The following SEMA6D variants were observed in gnomAD, a reference collection of about 807,000 sequenced individuals.
The protein encoded by SEMA6D is semaphorin-6D.
SEMA6D carries 35 observed loss-of-function variants against 106.6 expected under a neutral mutation model. The ratio of observed to expected loss-of-function variants is 0.33; its 90% CI spans 0.25 to 0.44. The LOEUF (loss-of-function observed/expected upper bound fraction) is 0.44, where lower values mean the gene tolerates loss of function less well. SEMA6D is among the 20% of genes least tolerant of loss of function. The pLI, the probability that SEMA6D is intolerant of heterozygous loss-of-function variation, is 1.00. For synonymous variants in SEMA6D, 499 were observed against 487.7 expected (o/e 1.02, Z -0.31); for missense variants, 1,185 against 1,345.9 (o/e 0.88, Z 1.87).
rs1824650074 is a variant in SEMA6D at position 47,717,515 on chromosome 15, T to A, written c.-232T>A. On this transcript the variant is annotated 5_prime_UTR_variant, in exon 1 of 19. Transcript: ENST00000536845. The stretch of plus-strand genomic sequence containing the variant: ...TTTTGCTCCTGCTCTGTCCCGCTGC[T>A]GCTGCTGCTGCTGCAAGGGGTGGTG... 1 of 155,126 alleles carries A rather than the reference T, an allele frequency of 6.4e-6. No homozygotes were observed. The highest frequency in any genetic ancestry group is 2.4e-5 in the African/African-American group (1 of 41,498). The allele number at this position is 155,126 out of a possible 1,614,324, so 9.6% of individuals were successfully genotyped here.
chr15:47,306,301 T>C (rs1380429968), intron 1 of SEMA6D, among the ~76,000 whole-genome samples: 7 of 152,166 alleles, frequency 4.6e-5, no homozygotes, highest in Admixed American at 4.6e-4. Flanking sequence ...ACTCATCTTC[T>C]AGCTGGCTCT....
At chr15:47,202,423 A>G (rs887991165) in intron 1 of SEMA6D, among the ~76,000 whole-genome samples, 5 of 152,048 alleles carry the variant, frequency 3.3e-5, no homozygotes, top group African/African-American at 9.6e-5. Flanking sequence ...GGGACATTCG[A>G]TTGGTAAGGG....
chr15:47,368,758 T>A (rs1007492093), intron 1 of SEMA6D, among the ~76,000 whole-genome samples: 8 of 152,252 alleles, frequency 5.3e-5, no homozygotes, highest in African/African-American at 1.9e-4. Context: ...GCTCAAAGTC[T>A]GTACCAGAGT....
At position 47,761,645 on chromosome 15, in the gene SEMA6D, T is replaced by G; in HGVS notation, c.448-16T>G. ...TTGAATAGATATGACACTGGCTATTTACTTTTCTTTTGTAGTTGAGTACCT... is the reference window on the plus strand; with the variant it reads ...TTGAATAGATATGACACTGGCTATTGACTTTTCTTTTGTAGTTGAGTACCT... On this transcript the variant is annotated splice_polypyrimidine_tract_variant and intron_variant, in intron 6 of 18. Coordinates refer to ENST00000536845, the MANE Select transcript of SEMA6D (RefSeq NM_001358351.3). 6.3e-7 allele frequency: 1 copy of G among 1,590,760 alleles called. No individual in the cohort carries two copies. Among genetic ancestry groups the G allele is most frequent in the African/African-American group, 1.3e-5 (1 of 74,238 alleles).
chr15:47,501,107 G>T (rs1485116559), intron 3 of SEMA6D, among the ~76,000 whole-genome samples: 1 of 152,012 alleles, frequency 6.6e-6, no homozygotes, highest in Non-Finnish European at 1.5e-5. Flanking sequence ...GGGGATCCCA[G>T]AAAAAAATAT....
At chr15:47,314,869 T>C (rs1194252608) in intron 1 of SEMA6D, among the ~76,000 whole-genome samples, 6 of 63,320 alleles carry the variant, frequency 9.5e-5, no homozygotes, top group Non-Finnish European at 1.9e-4. Flanking sequence ...TTTTTTTTTT[T>C]TTTTTTTTTT....
At chr15:47,681,640 A>G (rs905630247) in intron 4 of SEMA6D, among the ~76,000 whole-genome samples, 27 of 152,352 alleles carry the variant, frequency 1.8e-4, no homozygotes, top group African/African-American at 6.5e-4. Flanking sequence ...ATAAATGGAT[A>G]AATGAATGTC....
chr15:47,685,409 C>T (rs752001008), intron 4 of SEMA6D, among the ~76,000 whole-genome samples: 7 of 152,134 alleles, frequency 4.6e-5, no homozygotes, highest in Non-Finnish European at 8.8e-5. Context: ...GTTAGCCTTC[C>T]CTTTCTAGCA....
intron 1 of SEMA6D, chr15:47,275,264 A>G (rs915905061): frequency 2.6e-5 from 4 of 152,194 alleles, no homozygotes; most frequent in African/African-American, 7.2e-5. Flanking sequence ...ACACAAATAT[A>G]GAATACATAT....
chr15:47,433,549 A>C (rs952817583), intron 2 of SEMA6D, among the ~76,000 whole-genome samples: 45 of 152,130 alleles, frequency 3.0e-4, no homozygotes, highest in African/African-American at 1.1e-3. Flanking sequence ...AGAGATGTTT[A>C]TGTGACTATT....
chr15:47,761,141 T>C lies in SEMA6D; in HGVS notation c.283-17T>C. 6.2e-7 allele frequency: 1 copy of C among 1,613,426 alleles called. No individual in the cohort carries two copies. The highest frequency in any genetic ancestry group is 8.5e-7 in the Non-Finnish European group (1 of 1,179,736). ...TTCGCAGTTAAAAACTGCTTTGGTT[T>C]TGCTTGATTAATACAGAAACTGACA... On this transcript the variant is annotated splice_polypyrimidine_tract_variant and intron_variant, in intron 4 of 18. Transcript: ENST00000536845.
intron 1 of SEMA6D, among the ~76,000 whole-genome samples, chr15:47,201,834 AAT>A (rs1749513526): frequency 6.6e-6 from 1 of 152,044 alleles, no homozygotes; most frequent in Non-Finnish European, 1.5e-5. Flanking sequence ...TATTCAAGAT[AAT>A]TTCTATACCC....
chr15:47,200,950 T>C (rs1894686086), intron 1 of SEMA6D, among the ~76,000 whole-genome samples: 1 of 152,166 alleles, frequency 6.6e-6, no homozygotes. Flanking sequence ...GTGGTTTCTT[T>C]GAGTGTGCTT....
chr15:47,707,684 C>G (rs1405576487), intron 4 of SEMA6D, among the ~76,000 whole-genome samples: 7 of 152,100 alleles, frequency 4.6e-5, no homozygotes, highest in Admixed American at 4.6e-4. Flanking sequence ...ACTGGATTTC[C>G]TCTTACTTTT....
chr15:47,315,787 C>T (rs1320046591), intron 1 of SEMA6D, among the ~76,000 whole-genome samples: 1 of 151,994 alleles, frequency 6.6e-6, no homozygotes. Context: ...TAGTTTTACT[C>T]TTATAGATCT....
chr15:47,718,243 C>T (rs911950107), intron 1 of SEMA6D, among the ~76,000 whole-genome samples: 2 of 152,202 alleles, frequency 1.3e-5, no homozygotes, highest in South Asian at 4.1e-4. Flanking sequence ...CCCGTTGGCC[C>T]CAGAGCGGAC....
chr15:47,658,363 G>A (rs753632128), intron 4 of SEMA6D, among the ~76,000 whole-genome samples: 2 of 151,960 alleles, frequency 1.3e-5, no homozygotes, highest in South Asian at 2.1e-4. Context: ...ACTCTTACAC[G>A]CCATCAAGTA....
chr15:47,727,695 G>A (rs939602848), intron 1 of SEMA6D, among the ~76,000 whole-genome samples: 3 of 146,196 alleles, frequency 2.1e-5, no homozygotes, highest in African/African-American at 5.1e-5. Context: ...TCTTTATAGT[G>A]AGCAGAAATT....
chr15:47,402,600 G>C (rs2040432476), intron 1 of SEMA6D, among the ~76,000 whole-genome samples: 1 of 152,168 alleles, frequency 6.6e-6, no homozygotes, highest in Non-Finnish European at 1.5e-5. Flanking sequence ...CTAATAAGTG[G>C]AAAACAACAT....
Sources: allele counts gnomAD v4.1 joint callset (sites outside exome capture counted in the v4.1 genomes callset), GRCh38; gene constraint gnomAD v4.1.1; transcripts MANE v1.5; gene names NCBI Gene and HGNC (gene_info 2026-07-23, HGNC 2026-07-21).